The following COL5A2 variants were observed in gnomAD, a reference collection of about 807,000 sequenced individuals.
COL5A2 encodes collagen type V alpha 2 chain, also known as collagen alpha-2(V) chain.
In COL5A2, 23 loss-of-function variants were observed where a neutral mutation model predicts 208.2. That is an observed-to-expected ratio of 0.11 (90% CI 0.08 to 0.16). The LOEUF is 0.16. Among genes scored for constraint, COL5A2 ranks in the 10% least tolerant of loss-of-function variants. The pLI is 1.00. For missense variants in COL5A2, 1,590 were observed against 1,956.4 expected (o/e 0.81, Z 3.53); for synonymous variants, 625 against 628.5 (o/e 0.99, Z 0.08).
chr2:189,340,072 G>A, the COL5A2 span, among the ~76,000 whole-genome samples: 3 of 152,176 alleles, frequency 2.0e-5, no homozygotes, highest in African/African-American at 7.2e-5. Context: ...CATGGGATAA[G>A]GCTAAGAGTC....
intron 1 of COL5A2, among the ~76,000 whole-genome samples, chr2:189,171,383 C>T (rs1688570777): frequency 6.6e-6 from 1 of 152,150 alleles, no homozygotes; most frequent in East Asian, 1.9e-4. Flanking sequence ...TGTTGGAAAG[C>T]AGATACATGA....
At chr2:189,067,943 T>G (rs1218307067) in intron 21 of COL5A2, 72 bp downstream of exon 21, 4 of 1,218,126 alleles carry the variant, frequency 3.3e-6, no homozygotes, top group Non-Finnish European at 3.6e-6. Context: ...TTGCATCACA[T>G]GACATGTTAT....
the COL5A2 span, among the ~76,000 whole-genome samples, chr2:189,237,495 C>T: frequency 2.0e-5 from 3 of 151,346 alleles, no homozygotes; most frequent in Non-Finnish European, 4.4e-5. Flanking sequence ...TGAAATGATA[C>T]ACATAATAAG....
intron 20 of COL5A2, 47 bp from the exon 21 acceptor site, chr2:189,068,160 G>C (rs766088913): frequency 2.5e-6 from 4 of 1,600,284 alleles, no homozygotes; most frequent in Non-Finnish European, 3.4e-6. Flanking sequence ...ACAGGTAGCA[G>C]TCTGGGGCCA....
At chr2:189,072,910 A>T (rs1421364284) in intron 17 of COL5A2, among the ~76,000 whole-genome samples, 1 of 152,194 alleles carries the variant, frequency 6.6e-6, no homozygotes, top group Non-Finnish European at 1.5e-5. Context: ...TAAATTTAAA[A>T]GAAGTGAGTA....
the COL5A2 span, among the ~76,000 whole-genome samples, chr2:189,384,063 T>A: frequency 6.6e-6 from 1 of 152,072 alleles, no homozygotes; most frequent in Non-Finnish European, 1.5e-5. Context: ...CCATTTCCAT[T>A]CATGTTTTTG....
At chr2:189,298,324 A>G in the COL5A2 span, among the ~76,000 whole-genome samples, 5 of 152,178 alleles carry the variant, frequency 3.3e-5, no homozygotes, top group Admixed American at 3.3e-4. Flanking sequence ...TGACGGTTGT[A>G]TGAGTTAATA....
chr2:189,418,251 T>C, the COL5A2 span, among the ~76,000 whole-genome samples: 1 of 152,224 alleles, frequency 6.6e-6, no homozygotes, highest in Non-Finnish European at 1.5e-5. Context: ...ATCTTCACTG[T>C]CATTTCCTGA....
chr2:189,236,225 T>C, the COL5A2 span, among the ~76,000 whole-genome samples: 4 of 151,716 alleles, frequency 2.6e-5, no homozygotes, highest in African/African-American at 9.7e-5. Flanking sequence ...TAATGAATCA[T>C]AACCATGAGC....
the COL5A2 span, among the ~76,000 whole-genome samples, chr2:189,245,651 A>T: frequency 1.3e-5 from 2 of 151,394 alleles, no homozygotes; most frequent in Non-Finnish European, 2.9e-5. Context: ...TGCCTGGCTA[A>T]TTTTTTTTGT....
chr2:189,345,968 G>T, the COL5A2 span, among the ~76,000 whole-genome samples: 10 of 152,080 alleles, frequency 6.6e-5, no homozygotes, highest in Admixed American at 5.9e-4. Flanking sequence ...TAATTATAAA[G>T]AAGTAATTGA....
Position 189,098,809 on chromosome 2 carries a change from C to G in COL5A2, c.370-50G>C, listed in dbSNP as rs776313402. On this transcript the variant is annotated intron_variant, in intron 4 of 53. Transcript: ENST00000374866. ...TAAAGGTAAAGTTTCTGCAGATATT[C>G]AGAGAGGTCAATAGTAACAAATAAG... is the stretch of plus-strand genomic sequence containing the variant. The G allele has an allele frequency of 1.8e-5, 25 of 1,369,470 alleles. No homozygotes were observed. The East Asian group carries it at 5.7e-4, about 31-fold the overall frequency. The allele number at this position is 1,369,470 out of a possible 1,614,324, so 84.8% of individuals were successfully genotyped here. A position where few individuals can be genotyped will look rare whatever the true frequency, so the allele number is the denominator to read the frequency against.
upstream of COL5A2, among the ~76,000 whole-genome samples, chr2:189,226,936 G>T (rs1689428215): frequency 6.6e-6 from 1 of 152,170 alleles, no homozygotes; most frequent in Non-Finnish European, 1.5e-5. Context: ...CAGCAGGTCA[G>T]AGGGCCCACC....
the COL5A2 span, among the ~76,000 whole-genome samples, chr2:189,319,044 A>G: frequency 6.6e-6 from 1 of 152,172 alleles, no homozygotes; most frequent in Non-Finnish European, 1.5e-5. Flanking sequence ...GCTGCCAGGG[A>G]TGTCTATTTT....
the COL5A2 span, among the ~76,000 whole-genome samples, chr2:189,264,143 G>A: frequency 6.6e-6 from 1 of 151,942 alleles, no homozygotes; most frequent in Non-Finnish European, 1.5e-5. Flanking sequence ...AAATACGTGT[G>A]TAAGATACAA....
the COL5A2 span, among the ~76,000 whole-genome samples, chr2:189,299,599 A>G: frequency 6.6e-6 from 1 of 152,190 alleles, no homozygotes; most frequent in African/African-American, 2.4e-5. Flanking sequence ...TCTGTCAAAT[A>G]TTACTTGAAG....
chr2:189,066,043 A>C (rs1419797844), intron 23 of COL5A2, among the ~76,000 whole-genome samples: 1 of 152,208 alleles, frequency 6.6e-6, no homozygotes, highest in African/African-American at 2.4e-5. Context: ...GTGTGTACAT[A>C]TATTTTTATT....
rs577038385 is a variant in COL5A2, at chr2:189,051,495, GA to G, written c.2770-15del. 1,186 of 1,592,972 alleles carry G rather than the reference GA, an allele frequency of 7.4e-4. 1 individual carries two copies. Among genetic ancestry groups the G allele is most frequent in the Non-Finnish European group, 8.7e-4 (1,019 of 1,172,250 alleles). ...TCCTGGAGCTCCCTAGTATAACAAAGAAAGAAACACCAAGGAGGGCAAAATG... is the reference window on the plus strand; with the variant it reads ...TCCTGGAGCTCCCTAGTATAACAAAGAAGAAACACCAAGGAGGGCAAAATG... On this transcript the variant is annotated splice_polypyrimidine_tract_variant and intron_variant, in intron 41 of 53. Transcript: ENST00000374866.
At chr2:189,399,874 A>AT in the COL5A2 span, among the ~76,000 whole-genome samples, 1 of 151,522 alleles carries the variant, frequency 6.6e-6, no homozygotes, top group Non-Finnish European at 1.5e-5. Flanking sequence ...TAATTTTTGT[A>AT]TTTTTTTGTA....
Sources: gnomAD v4.1 joint callset for allele counts (sites outside exome capture counted in the v4.1 genomes callset) on GRCh38, gnomAD v4.1.1 for gene constraint, MANE v1.5 for transcripts, NCBI Gene and HGNC (gene_info 2026-07-23, HGNC 2026-07-21) for gene names.